Variants in CD247 observed in about 807,000 individuals in gnomAD.
CD247 encodes T-cell surface glycoprotein CD3 zeta chain.
A neutral mutation model predicts 30.0 loss-of-function variants in CD247; 13 were observed. The ratio of observed to expected loss-of-function variants is 0.43; its 90% CI spans 0.28 to 0.69. CD247 has a LOEUF of 0.69. CD247 is among the 30% of genes least tolerant of loss of function. The pLI is 0.16. For missense variants in CD247, 193 were observed against 212.6 expected, an observed-to-expected ratio of 0.91 and a Z score of 0.57; for synonymous variants, 72 against 80.0, an observed-to-expected ratio of 0.90 and a Z score of 0.53.
At chr1:167,480,102 G>A (rs192013482) in intron 1 of CD247, among the ~76,000 whole-genome samples, 12 of 152,248 alleles carry the variant, frequency 7.9e-5, no homozygotes, top group African/African-American at 2.2e-4. Flanking sequence ...CGATTAGGCC[G>A]ACGTTCTTTA....
At chr1:167,484,893 T>G (rs1654138620) in intron 1 of CD247, among the ~76,000 whole-genome samples, 1 of 152,244 alleles carries the variant, frequency 6.6e-6, no homozygotes. Context: ...GCTGAGGGAC[T>G]GCCTGGTCCT....
chr1:167,460,016 C>T (rs1652919513), intron 1 of CD247: 1 of 152,196 alleles, frequency 6.6e-6, no homozygotes, highest in Non-Finnish European at 1.5e-5. Flanking sequence ...TCCCCGAATT[C>T]TTGTCTTTGG....
At chr1:167,474,935 T>C in intron 1 of CD247, among the ~76,000 whole-genome samples, 1 of 151,678 alleles carries the variant, frequency 6.6e-6, no homozygotes, top group East Asian at 1.9e-4. Context: ...GTATTTATAG[T>C]AGAGACAGGT....
rs552645265 is a variant in CD247, at chr1:167,439,657, C to T, written c.163-257G>A. The T allele has an allele frequency of 3.8e-4, 210 of 557,080 alleles. 3 individuals carry two copies. In the South Asian group the frequency reaches 4.2e-3, roughly 11 times the overall value. 34.5% of individuals were successfully genotyped at this position (557,080 alleles called of 1,614,324 possible). ...GGCCCAGGACCCGCTGGAGTTTATT[C>T]TTCCCGGGCTAGCGCCCTCGCGCGT... On this transcript the variant is annotated intron_variant, in intron 2 of 7. Transcript: ENST00000362089.
intron 1 of CD247, among the ~76,000 whole-genome samples, chr1:167,483,487 T>G (rs1054993039): frequency 6.6e-6 from 1 of 152,218 alleles, no homozygotes; most frequent in Non-Finnish European, 1.5e-5. Context: ...TGCTAGTTTT[T>G]CCCACAAGGG....
chr1:167,473,200 C>G (rs1192365201), intron 1 of CD247, among the ~76,000 whole-genome samples: 3 of 152,138 alleles, frequency 2.0e-5, no homozygotes, highest in Non-Finnish European at 4.4e-5. Flanking sequence ...TTCACACTCC[C>G]TCTTACACCC....
intron 1 of CD247, among the ~76,000 whole-genome samples, chr1:167,482,475 T>C (rs2102065563): frequency 6.6e-6 from 1 of 152,328 alleles, no homozygotes; most frequent in East Asian, 1.9e-4. Context: ...TCTCTGGGTG[T>C]CTTCCAAACA....
intron 3 of CD247, 27 bp downstream of exon 3, chr1:167,439,317 G>A (rs1416008827): frequency 1.2e-6 from 2 of 1,609,928 alleles, no homozygotes; most frequent in East Asian, 2.2e-5. Flanking sequence ...CTTCCTTTCC[G>A]GAGGGTCTAC....
At chr1:167,474,957 G>A (rs1653685194) in intron 1 of CD247, among the ~76,000 whole-genome samples, 1 of 151,622 alleles carries the variant, frequency 6.6e-6, no homozygotes, top group Non-Finnish European at 1.5e-5. Flanking sequence ...TCACCAAGTT[G>A]GCCAGGCTGG....
At position 167,501,242 on chromosome 1, in the gene CD247, A is replaced by G. The variant is rs1249822930; in HGVS notation, c.58+17166T>C. ...TAATTTTGTATTTTTTTTTTTCAGT[A>G]GAGACGGGGTTTCTCCATGTTGGCC... On this transcript the variant is annotated intron_variant, in intron 1 of 7. Coordinates refer to ENST00000362089, the MANE Select transcript of CD247 (RefSeq NM_198053.3). Among the ~76,000 whole-genome samples, 6 of 151,244 alleles carry G rather than the reference A, an allele frequency of 4.0e-5. No individual in the cohort carries two copies. The East Asian group carries it at 9.7e-4, about 24-fold the overall frequency.
At position 167,518,416 on chromosome 1, in the gene CD247, G is replaced by A. The variant is rs752900365; in HGVS notation, c.50C>T (p.Pro17Leu). The stretch of plus-strand genomic sequence containing the variant: ...CGACACGTCGGCCCTACCTGTAATC[G>A]GCAACTGTGCCTGCAGGATGGCCGC... Reference protein sequence around the residue: ...FTAAILQAQLPITEAQSFGLL... With the variant: ...FTAAILQAQLLITEAQSFGLL... The change falls in exon 1 of 8, where the codon CCG becomes CTG. Residue 17 changes from proline (P) to leucine (L), a missense_variant. Transcript: ENST00000362089. 5.6e-6 allele frequency: 9 copies of A among 1,614,098 alleles called. No homozygotes were observed. The highest frequency in any genetic ancestry group is 3.3e-4 in the Middle Eastern group (2 of 6,062).
intron 1 of CD247, among the ~76,000 whole-genome samples, chr1:167,453,642 G>A (rs1652480841): frequency 6.6e-6 from 1 of 152,088 alleles, no homozygotes; most frequent in African/African-American, 2.4e-5. Context: ...TTCTACATGT[G>A]CTACCATGAA....
chr1:167,431,591 A>G lies in CD247; in HGVS notation c.*90T>C. The G allele has an allele frequency of 9.4e-7, 1 of 1,058,218 alleles. No individual in the cohort carries two copies. The highest frequency in any genetic ancestry group is 1.5e-6 in the Non-Finnish European group (1 of 672,270). The allele number at this position is 1,058,218 out of a possible 1,614,324, so 65.6% of individuals were successfully genotyped here. A position where few individuals can be genotyped will look rare whatever the true frequency, so the allele number is the denominator to read the frequency against. On this transcript the variant is annotated 3_prime_UTR_variant, in exon 8 of 8. Transcript: ENST00000362089. ...AAGGGGAATACTTCAGTGGCTGAGAAGAGTGAACCGGGTTGTAAATGCTTC... is the reference window on the plus strand; with the variant it reads ...AAGGGGAATACTTCAGTGGCTGAGAGGAGTGAACCGGGTTGTAAATGCTTC...
intron 7 of CD247, among the ~76,000 whole-genome samples, chr1:167,432,788 C>T (rs1651334788): frequency 6.6e-6 from 1 of 152,210 alleles, no homozygotes. Flanking sequence ...CTCTGTCTGC[C>T]ATGGCCAAGC....
chr1:167,459,160 T>G (rs1487685817), intron 1 of CD247, among the ~76,000 whole-genome samples: 1 of 150,106 alleles, frequency 6.7e-6, no homozygotes, highest in Non-Finnish European at 1.5e-5. Flanking sequence ...AAAAAAATCA[T>G]GGGGAGAATT....
chr1:167,465,278 T>TAG (rs1324942043), intron 1 of CD247, among the ~76,000 whole-genome samples: 1 of 151,506 alleles, frequency 6.6e-6, no homozygotes, highest in Admixed American at 6.6e-5. Context: ...ATCAGTGAGA[T>TAG]AGAAAGTCAC....
chr1:167,435,638 C>CT (rs1651511354), intron 4 of CD247, among the ~76,000 whole-genome samples: 2 of 152,260 alleles, frequency 1.3e-5, no homozygotes, highest in African/African-American at 4.8e-5. Context: ...TTACCTGCAA[C>CT]TGGATACACA....
chr1:167,444,211 G>T (rs1179260360), intron 1 of CD247, among the ~76,000 whole-genome samples: 1 of 152,198 alleles, frequency 6.6e-6, no homozygotes, highest in Non-Finnish European at 1.5e-5. Flanking sequence ...CTGAGTCCCT[G>T]CCCTCATGGG....
chr1:167,435,548 G>A, intron 4 of CD247, 114 bp from the exon 5 acceptor site: 3 of 842,140 alleles, frequency 3.6e-6, no homozygotes, highest in Non-Finnish European at 6.1e-6. Context: ...TCTGCCGTCT[G>A]CCTCTCTCCT....
Sources: gnomAD v4.1 joint callset for allele counts (sites outside exome capture counted in the v4.1 genomes callset) on GRCh38, gnomAD v4.1.1 for gene constraint, MANE v1.5 for transcripts, NCBI Gene and HGNC (gene_info 2026-07-23, HGNC 2026-07-21) for gene names.